Variants in CNTNAP2 observed in about 807,000 individuals in gnomAD.
The protein encoded by CNTNAP2 is contactin-associated protein-like 2.
CNTNAP2 carries 98 observed loss-of-function variants against 155.2 expected under a neutral mutation model. That is an observed-to-expected ratio of 0.63 (90% CI 0.54 to 0.75). The LOEUF is 0.75. Ranked by LOEUF, CNTNAP2 falls within the 30% of genes least tolerant of loss-of-function variation. The pLI is 0.00. For synonymous variants in CNTNAP2, 651 were observed against 631.2 expected (o/e 1.03, Z -0.47); for missense variants, 1,727 against 1,688.1 (o/e 1.02, Z -0.40).
chr7:146,922,498 GA>G (rs904497714), intron 3 of CNTNAP2, among the ~76,000 whole-genome samples: 1 of 152,062 alleles, frequency 6.6e-6, no homozygotes, highest in Non-Finnish European at 1.5e-5. Context: ...GTTGTTTTGG[GA>G]GGTTAATCAA....
chr7:148,350,881 C>T (rs1263611674), intron 21 of CNTNAP2, among the ~76,000 whole-genome samples: 9 of 152,152 alleles, frequency 5.9e-5, no homozygotes, highest in African/African-American at 2.2e-4. Context: ...GCCCTTTTGT[C>T]CCAGATCCAA....
chr7:147,774,477 T>A (rs1406208968), intron 13 of CNTNAP2, among the ~76,000 whole-genome samples: 1 of 152,206 alleles, frequency 6.6e-6, no homozygotes, highest in Non-Finnish European at 1.5e-5. Context: ...GACTGAATGT[T>A]TGTCCCACCC....
chr7:147,945,911 A>T (rs1161738044), intron 14 of CNTNAP2, among the ~76,000 whole-genome samples: 1 of 122,200 alleles, frequency 8.2e-6, no homozygotes, highest in African/African-American at 3.2e-5. Flanking sequence ...CTGTCGCCCC[A>T]GGCTGGAGTG....
chr7:146,505,414 C>T (rs796478660), intron 1 of CNTNAP2, among the ~76,000 whole-genome samples: 29 of 152,334 alleles, frequency 1.9e-4, no homozygotes, highest in African/African-American at 6.7e-4. Context: ...AATGCAACTG[C>T]AAAGGACTTC....
chr7:147,797,731 G>T (rs1435155496), intron 13 of CNTNAP2, among the ~76,000 whole-genome samples: 1 of 152,044 alleles, frequency 6.6e-6, no homozygotes, highest in Admixed American at 6.6e-5. Context: ...AATATCTTTT[G>T]TGTGATGTTC....
chr7:148,195,366 T>A lies in CNTNAP2; in HGVS notation c.3011-21922T>A, dbSNP rs563218563. ...ATTTTTCATGTGAGTTTTCCATCTCTGAAAAAAATAGGAAAAGAAAAGACA... is the reference window on the plus strand; with the variant it reads ...ATTTTTCATGTGAGTTTTCCATCTCAGAAAAAAATAGGAAAAGAAAAGACA... On this transcript the variant is annotated intron_variant, in intron 18 of 23. Transcript: ENST00000361727. Among the ~76,000 whole-genome samples, 3 of 152,276 alleles carry A rather than the reference T, an allele frequency of 2.0e-5. No individual in the cohort carries two copies. The East Asian group carries it at 5.8e-4, about 29-fold the overall frequency.
At chr7:146,973,782 A>G (rs914778092) in intron 3 of CNTNAP2, among the ~76,000 whole-genome samples, 2 of 152,142 alleles carry the variant, frequency 1.3e-5, no homozygotes, top group African/African-American at 4.8e-5. Flanking sequence ...ATTCTTCCCA[A>G]TTGGCATCAT....
chr7:147,921,287 G>C (rs1800276372), intron 14 of CNTNAP2, among the ~76,000 whole-genome samples: 1 of 152,066 alleles, frequency 6.6e-6, no homozygotes, highest in South Asian at 2.1e-4. Flanking sequence ...TACTTAATTT[G>C]GCCTCAATCT....
intron 1 of CNTNAP2, among the ~76,000 whole-genome samples, chr7:146,639,020 A>G (rs1301915145): frequency 6.6e-6 from 1 of 152,186 alleles, no homozygotes; most frequent in Non-Finnish European, 1.5e-5. Context: ...AACTTATCTA[A>G]AATAGAAAAG....
intron 3 of CNTNAP2, among the ~76,000 whole-genome samples, chr7:146,899,574 T>C (rs1464799164): frequency 6.6e-6 from 1 of 152,188 alleles, no homozygotes; most frequent in Non-Finnish European, 1.5e-5. Flanking sequence ...TAACAACTTG[T>C]AATAAAACAG....
chr7:147,385,904 T>A (rs899261650), intron 9 of CNTNAP2, among the ~76,000 whole-genome samples: 2 of 152,198 alleles, frequency 1.3e-5, no homozygotes, highest in African/African-American at 4.8e-5. Flanking sequence ...GAGGGTCCCA[T>A]CTCTGCAGCA....
chr7:148,305,220 C>A, intron 21 of CNTNAP2, among the ~76,000 whole-genome samples: 1 of 44,352 alleles, frequency 2.3e-5, no homozygotes. Context: ...AAGGCCCTGT[C>A]TCAAAAAAAA....
At chr7:147,131,122 CAT>C (rs1442821308) in intron 7 of CNTNAP2, among the ~76,000 whole-genome samples, 1 of 147,726 alleles carries the variant, frequency 6.8e-6, no homozygotes, top group Admixed American at 6.9e-5. Flanking sequence ...ATACCATATA[CAT>C]ATATATACCA....
At chr7:146,153,344 C>T (rs1167885322) in intron 1 of CNTNAP2, among the ~76,000 whole-genome samples, 2 of 152,132 alleles carry the variant, frequency 1.3e-5, no homozygotes, top group Admixed American at 6.6e-5. Context: ...TGAACTGATA[C>T]TCACACGTAA....
At chr7:146,750,561 G>A (rs1389756326) in intron 1 of CNTNAP2, among the ~76,000 whole-genome samples, 1 of 151,998 alleles carries the variant, frequency 6.6e-6, no homozygotes, top group Non-Finnish European at 1.5e-5. Context: ...GATACTGGTG[G>A]GCTTCTTGAG....
rs150035016 is a variant in CNTNAP2, at chr7:147,246,054, T to C, written c.1349-54087T>C. 4.6e-3 allele frequency among the ~76,000 whole-genome samples: 686 copies of C among 149,334 alleles called. 6 individuals carry two copies. The highest frequency in any genetic ancestry group is 0.016 in the African/African-American group (664 of 40,794). ...TACACATATAACGTGCATATATATATACACATATATATGGCATATATATAT... is the reference window on the plus strand; with the variant it reads ...TACACATATAACGTGCATATATATACACACATATATATGGCATATATATAT... On this transcript the variant is annotated intron_variant, in intron 8 of 23. Transcript: ENST00000361727.
chr7:147,692,380 A>G (rs1796100146), intron 13 of CNTNAP2, among the ~76,000 whole-genome samples: 1 of 152,040 alleles, frequency 6.6e-6, no homozygotes, highest in Non-Finnish European at 1.5e-5. Context: ...AAACAACACT[A>G]TTGCTGTATC....
At chr7:147,709,093 A>G (rs1447322932) in intron 13 of CNTNAP2, among the ~76,000 whole-genome samples, 1 of 152,136 alleles carries the variant, frequency 6.6e-6, no homozygotes, top group Non-Finnish European at 1.5e-5. Flanking sequence ...TGATGCCTCC[A>G]GCTGTTAGAT....
At chr7:148,352,655 C>T (rs1798448195) in intron 21 of CNTNAP2, among the ~76,000 whole-genome samples, 1 of 152,180 alleles carries the variant, frequency 6.6e-6, no homozygotes, top group Admixed American at 6.5e-5. Flanking sequence ...TGGAGGCCCT[C>T]TGAGCTCATG....
Sources: gnomAD v4.1 joint callset for allele counts (sites outside exome capture counted in the v4.1 genomes callset) on GRCh38, gnomAD v4.1.1 for gene constraint, MANE v1.5 for transcripts, NCBI Gene and HGNC (gene_info 2026-07-23, HGNC 2026-07-21) for gene names.